Variants in NREP observed in about 807,000 individuals in gnomAD.
The protein encoded by NREP is neuronal regeneration-related protein.
A neutral mutation model predicts 8.6 loss-of-function variants in NREP; 5 were observed. That is an observed-to-expected ratio of 0.58 (90% CI 0.30 to 1.22). The LOEUF (loss-of-function observed/expected upper bound fraction) is 1.22. NREP is among the 50% of genes most tolerant of loss of function. The pLI is 0.07. For missense variants in NREP, 86 were observed against 82.5 expected (o/e 1.04, Z -0.17); for synonymous variants, 27 against 28.0 (o/e 0.96, Z 0.11).
At chr5:111,954,683 A>C (rs1172847395) in intron 2 of NREP, among the ~76,000 whole-genome samples, 1 of 152,184 alleles carries the variant, frequency 6.6e-6, no homozygotes, top group Non-Finnish European at 1.5e-5. Flanking sequence ...AGAGATACAA[A>C]GCAGGAAGTA....
intron 2 of NREP, among the ~76,000 whole-genome samples, chr5:111,869,364 G>A (rs116253154): frequency 1.2e-3 from 186 of 152,218 alleles, no homozygotes; most frequent in African/African-American, 4.3e-3. Flanking sequence ...AATATATGTA[G>A]TTATGACCAA....
At chr5:111,731,127 A>G in intron 3 of NREP, 81 bp from the exon 4 acceptor site, 1 of 1,539,934 alleles carries the variant, frequency 6.5e-7, no homozygotes, top group South Asian at 1.2e-5. Flanking sequence ...ATTTTTTAAA[A>G]TTTTGCTTTT....
chr5:111,785,411 T>C (rs1751586251), intron 2 of NREP, among the ~76,000 whole-genome samples: 1 of 152,148 alleles, frequency 6.6e-6, no homozygotes, highest in African/African-American at 2.4e-5. Context: ...CCTGAGTAGC[T>C]GGGAGTACAG....
intron 2 of NREP, among the ~76,000 whole-genome samples, chr5:111,814,107 A>C (rs970737959): frequency 2.6e-5 from 4 of 152,138 alleles, no homozygotes; most frequent in African/African-American, 9.6e-5. Context: ...TTGCAGAAGT[A>C]TTTGTCTGGT....
intron 2 of NREP, among the ~76,000 whole-genome samples, chr5:111,737,264 T>C (rs913193451): frequency 6.6e-6 from 1 of 152,206 alleles, no homozygotes. Context: ...TTCAGACTTA[T>C]AACAAAGTCA....
chr5:111,888,460 A>G (rs1754316355), intron 2 of NREP, among the ~76,000 whole-genome samples: 1 of 152,052 alleles, frequency 6.6e-6, no homozygotes, highest in Non-Finnish European at 1.5e-5. Context: ...CCCTTATAAA[A>G]CCATCAGATC....
At chr5:111,735,015 GT>G (rs1256354908) in intron 3 of NREP, 3 of 360,520 alleles carry the variant, frequency 8.3e-6, no homozygotes, top group South Asian at 8.0e-5. Flanking sequence ...AAATGTAACA[GT>G]TTTTTTGTTC....
At chr5:111,888,345 G>GGC (rs1561712231) in intron 2 of NREP, among the ~76,000 whole-genome samples, 33 of 151,846 alleles carry the variant, frequency 2.2e-4, no homozygotes, top group African/African-American at 7.5e-4. Flanking sequence ...TGGGTGGCGG[G>GGC]GGGGGTCTCA....
chr5:111,754,752 C>G (rs894012153), intron 2 of NREP, among the ~76,000 whole-genome samples: 2 of 152,150 alleles, frequency 1.3e-5, no homozygotes, highest in Non-Finnish European at 2.9e-5. Flanking sequence ...AAAAATAAAA[C>G]ACTTGTTAAT....
chr5:111,755,441 G>A (rs1396123711), intron 2 of NREP: 1 of 321,114 alleles, frequency 3.1e-6, no homozygotes, highest in Non-Finnish European at 6.0e-6. Context: ...CCCTACTGCT[G>A]TCACCACCTC....
intron 2 of NREP, among the ~76,000 whole-genome samples, chr5:111,876,863 A>G (rs1013607882): frequency 6.6e-6 from 1 of 152,236 alleles, no homozygotes. Context: ...TCTATTCTAT[A>G]AATGAAGAAA....
intron 2 of NREP, among the ~76,000 whole-genome samples, chr5:111,967,659 G>A (rs1033047883): frequency 6.6e-5 from 10 of 152,092 alleles, no homozygotes; most frequent in African/African-American, 2.2e-4. Context: ...AGTGAGGAGC[G>A]CCTCTGCCCA....
At chr5:111,771,097 A>G (rs557664237) in intron 2 of NREP, among the ~76,000 whole-genome samples, 1 of 152,274 alleles carries the variant, frequency 6.6e-6, no homozygotes, top group South Asian at 2.1e-4. Context: ...TCCTACAACT[A>G]TTAGGAGAAT....
intron 2 of NREP, among the ~76,000 whole-genome samples, chr5:111,884,294 T>C (rs1180746815): frequency 4.0e-5 from 6 of 151,750 alleles, no homozygotes; most frequent in African/African-American, 7.3e-5. Flanking sequence ...AATCTCTGAA[T>C]AGACCAATAA....
chr5:111,927,901 CAATT>C (rs1428476678), intron 2 of NREP, among the ~76,000 whole-genome samples: 1 of 152,150 alleles, frequency 6.6e-6, no homozygotes, highest in African/African-American at 2.4e-5. Context: ...ACTTCTAAAT[CAATT>C]GAGATCCACC....
At chr5:111,859,146 A>G (rs577976494) in intron 2 of NREP, among the ~76,000 whole-genome samples, 74 of 152,284 alleles carry the variant, frequency 4.9e-4, no homozygotes, top group African/African-American at 1.7e-3. Context: ...GGTCATTCCC[A>G]GTACTTCAAA....
At chr5:111,815,964 C>G (rs1296910171) in intron 2 of NREP, among the ~76,000 whole-genome samples, 2 of 152,042 alleles carry the variant, frequency 1.3e-5, no homozygotes, top group East Asian at 3.8e-4. Context: ...AATCTAAAAC[C>G]ACTCAGAATA....
intron 2 of NREP, among the ~76,000 whole-genome samples, chr5:111,942,068 C>T (rs1200294620): frequency 1.3e-5 from 2 of 151,846 alleles, no homozygotes; most frequent in Non-Finnish European, 2.9e-5. Flanking sequence ...TCTCAAAGAT[C>T]GATTCCATGA....
intron 2 of NREP, among the ~76,000 whole-genome samples, chr5:111,968,667 T>C (rs1333026619): frequency 2.6e-5 from 4 of 152,224 alleles, no homozygotes; most frequent in African/African-American, 9.6e-5. Context: ...TGACCTTTCC[T>C]GCAGAATTCC....
Sources: gnomAD v4.1 joint callset for allele counts (sites outside exome capture counted in the v4.1 genomes callset) on GRCh38, gnomAD v4.1.1 for gene constraint, MANE v1.5 for transcripts, NCBI Gene and HGNC (gene_info 2026-07-23, HGNC 2026-07-21) for gene names.